The following CAMK2B variants were observed in gnomAD, a reference collection of about 807,000 sequenced individuals.
CAMK2B encodes calcium/calmodulin dependent protein kinase II beta, also known as calcium/calmodulin-dependent protein kinase type II subunit beta.
Under a neutral mutation model 93.7 loss-of-function variants are expected in CAMK2B, and 27 were observed. The observed-to-expected ratio is 0.29, with a 90% CI of 0.21 to 0.40. The LOEUF is 0.40. Ranked by LOEUF, CAMK2B falls within the 10% of genes least tolerant of loss-of-function variation. The pLI, the probability that CAMK2B is intolerant of heterozygous loss-of-function variation, is 1.00. For synonymous variants in CAMK2B, 374 were observed against 358.8 expected, an observed-to-expected ratio of 1.04 and a Z score of -0.48; for missense variants, 568 against 895.8, an observed-to-expected ratio of 0.63 and a Z score of 4.67.
intron 6 of CAMK2B, chr7:44,244,813 T>G: frequency 2.6e-6 from 1 of 382,818 alleles, no homozygotes; most frequent in Non-Finnish European, 5.3e-6. Context: ...CACGCCCTAC[T>G]GAGCAGGCGG....
intron 1 of CAMK2B, among the ~76,000 whole-genome samples, chr7:44,314,460 A>G (rs1794369957): frequency 6.6e-6 from 1 of 152,230 alleles, no homozygotes; most frequent in Non-Finnish European, 1.5e-5. Context: ...GCTTATTAGC[A>G]TTTCATTCCT....
intron 18 of CAMK2B, 136 bp from the exon 19 acceptor site, chr7:44,229,060 G>A (rs1225298333): frequency 3.6e-6 from 3 of 843,226 alleles, no homozygotes; most frequent in Non-Finnish European, 6.0e-6. Flanking sequence ...ATCAGAGCCT[G>A]CCTCAATAGC....
At chr7:44,274,901 G>A (rs2097017722) in intron 2 of CAMK2B, among the ~76,000 whole-genome samples, 1 of 152,188 alleles carries the variant, frequency 6.6e-6, no homozygotes, top group Non-Finnish European at 1.5e-5. Context: ...ACCAGATGTG[G>A]GAACTGTCAG....
chr7:44,287,180 C>T (rs1391174280), intron 1 of CAMK2B, among the ~76,000 whole-genome samples: 1 of 152,158 alleles, frequency 6.6e-6, no homozygotes, highest in Non-Finnish European at 1.5e-5. Flanking sequence ...CTCCTGGGCT[C>T]TGCCTCTCCC....
intron 1 of CAMK2B, among the ~76,000 whole-genome samples, chr7:44,316,301 T>C (rs1794818051): frequency 6.6e-6 from 1 of 152,252 alleles, no homozygotes; most frequent in Admixed American, 6.5e-5. Context: ...TCAATGTTTG[T>C]TCTATCAACG....
chr7:44,298,915 A>G (rs1287471187), intron 1 of CAMK2B, among the ~76,000 whole-genome samples: 1 of 152,226 alleles, frequency 6.6e-6, no homozygotes, highest in African/African-American at 2.4e-5. Flanking sequence ...GAGGGTGTAG[A>G]GGACTTGGAA....
chr7:44,221,027 G>T, intron 20 of CAMK2B, 126 bp from the exon 21 acceptor site: 1 of 738,888 alleles, frequency 1.4e-6, no homozygotes, highest in Non-Finnish European at 2.3e-6. Context: ...GCCGCTATTT[G>T]CAGAAGAGGT....
rs1192607753 is a variant in CAMK2B, at chr7:44,228,718, T to C, written c.1468+78A>G. ...AGGGTAGCTGGGCCGTGCATGCAGGTGGGAAGCTGCTGAGCGCCGGCCATT... is the reference window on the plus strand; with the variant it reads ...AGGGTAGCTGGGCCGTGCATGCAGGCGGGAAGCTGCTGAGCGCCGGCCATT... On this transcript the variant is annotated intron_variant, in intron 19 of 23. Transcript: ENST00000395749. 15 of 1,327,610 alleles carry C rather than the reference T, an allele frequency of 1.1e-5. No homozygotes were observed. In the East Asian group the frequency reaches 1.7e-4, roughly 15 times the overall value. The allele number at this position is 1,327,610 out of a possible 1,614,324, so 82.2% of individuals were successfully genotyped here.
chr7:44,229,547 G>A, intron 17 of CAMK2B, 46 bp from the exon 18 acceptor site: 1 of 942,240 alleles, frequency 1.1e-6, no homozygotes, highest in Non-Finnish European at 1.5e-6. Context: ...TGCGCCCGCA[G>A]GAAAAGAAGG....
chr7:44,259,242 T>C, intron 3 of CAMK2B: 1 of 304,932 alleles, frequency 3.3e-6, no homozygotes, highest in East Asian at 5.7e-5. Flanking sequence ...CCAGGTCCTT[T>C]TGGTCCCAGC....
chr7:44,243,399 CA>C, intron 7 of CAMK2B, 25 bp downstream of exon 7: 1 of 1,612,828 alleles, frequency 6.2e-7, no homozygotes, highest in South Asian at 1.1e-5. Context: ...AACTGCCAGC[CA>C]ACACACCCTG....
chr7:44,249,330 G>A (rs183960414), intron 5 of CAMK2B, among the ~76,000 whole-genome samples: 19 of 152,290 alleles, frequency 1.2e-4, no homozygotes, highest in Admixed American at 5.9e-4. Context: ...CTGGGAAGTC[G>A]GGGGTGAGGC....
intron 1 of CAMK2B, among the ~76,000 whole-genome samples, chr7:44,307,898 T>C (rs1365051618): frequency 6.6e-6 from 1 of 152,138 alleles, no homozygotes; most frequent in South Asian, 2.1e-4. Context: ...GGGGGCCTCA[T>C]TCTGTCACCC....
At chr7:44,228,154 C>T (rs533618933) in intron 19 of CAMK2B, among the ~76,000 whole-genome samples, 31 of 151,898 alleles carry the variant, frequency 2.0e-4, no homozygotes, top group East Asian at 3.9e-4. Context: ...GAACGCTGGA[C>T]GGGGTTACAG....
At chr7:44,258,808 C>T (rs2096855577) in intron 4 of CAMK2B, 64 bp downstream of exon 4, 2 of 1,470,766 alleles carry the variant, frequency 1.4e-6, no homozygotes, top group African/African-American at 1.4e-5. Context: ...GGGGAGGCTG[C>T]AGATCCCACC....
At chr7:44,236,021 A>G (rs1051883707) in intron 13 of CAMK2B, among the ~76,000 whole-genome samples, 3 of 152,202 alleles carry the variant, frequency 2.0e-5, no homozygotes, top group African/African-American at 7.2e-5. Flanking sequence ...CGCCCTGTAC[A>G]GTCAGAAATG....
At chr7:44,305,142 G>A (rs146583827) in intron 1 of CAMK2B, among the ~76,000 whole-genome samples, 53 of 152,228 alleles carry the variant, frequency 3.5e-4, no homozygotes, top group Middle Eastern at 6.8e-3. Context: ...TCATCACCCC[G>A]GGAGACATCC....
At chr7:44,274,745 G>A (rs1324841578) in intron 2 of CAMK2B, among the ~76,000 whole-genome samples, 1 of 152,248 alleles carries the variant, frequency 6.6e-6, no homozygotes, top group Non-Finnish European at 1.5e-5. Flanking sequence ...GCAAGGGGCG[G>A]TGAGCAGGAA....
At chr7:44,322,177 A>T (rs1184481246) in intron 1 of CAMK2B, among the ~76,000 whole-genome samples, 1 of 152,248 alleles carries the variant, frequency 6.6e-6, no homozygotes, top group Non-Finnish European at 1.5e-5. Context: ...CACATCGACG[A>T]GCACAGGTGT....
Sources: gnomAD v4.1 joint callset for allele counts (sites outside exome capture counted in the v4.1 genomes callset) on GRCh38, gnomAD v4.1.1 for gene constraint, MANE v1.5 for transcripts, NCBI Gene and HGNC (gene_info 2026-07-23, HGNC 2026-07-21) for gene names.